The following PCDH7 variants were observed in gnomAD, a reference collection of about 807,000 sequenced individuals.
The protein encoded by PCDH7 is protocadherin 7, also known as protocadherin-7.
Under a neutral mutation model 58.9 loss-of-function variants are expected in PCDH7, and 17 were observed. The observed-to-expected ratio is 0.29, with a 90% CI of 0.20 to 0.43. The LOEUF (loss-of-function observed/expected upper bound fraction) is 0.43, where lower values mean the gene tolerates loss of function less well. Ranked by LOEUF, PCDH7 falls within the 20% of genes least tolerant of loss-of-function variation. PCDH7 has a pLI of 1.00. For synonymous variants in PCDH7, 664 were observed against 616.4 expected (o/e 1.08, Z -1.14); for missense variants, 1,274 against 1,441.0 (o/e 0.88, Z 1.88).
At chr4:30,853,231 G>A (rs528053027) in intron 1 of PCDH7, among the ~76,000 whole-genome samples, 1 of 152,186 alleles carries the variant, frequency 6.6e-6, no homozygotes, top group African/African-American at 2.4e-5. Context: ...TGACCTTGTG[G>A]GAAACTAACT....
intron 1 of PCDH7, among the ~76,000 whole-genome samples, chr4:30,906,727 A>G (rs1272132136): frequency 6.6e-6 from 1 of 152,204 alleles, no homozygotes; most frequent in Non-Finnish European, 1.5e-5. Context: ...GGAATTAAAA[A>G]TAAGTAGATT....
rs997621322 is a variant in PCDH7, at chr4:31,095,782, C to T, written c.*8-46691C>T. ...ATTCACTACTATGGTGATTAGGACA[C>T]TTTCTGTTAATTTATGGGCTTTCTC... is the stretch of plus-strand genomic sequence containing the variant. On this transcript the variant is annotated intron_variant, in intron 3 of 3. Coordinates refer to the PCDH7 transcript ENST00000509759. Among the ~76,000 whole-genome samples, 7 of 152,180 alleles carry T rather than the reference C, an allele frequency of 4.6e-5. No homozygotes were observed. In the East Asian group the frequency reaches 1.2e-3, roughly 25 times the overall value.
chr4:30,952,606 A>G (rs528008991), intron 3 of PCDH7, among the ~76,000 whole-genome samples: 1 of 152,226 alleles, frequency 6.6e-6, no homozygotes, highest in African/African-American at 2.4e-5. Context: ...TTAAATTGGG[A>G]GGGAAAAAAT....
chr4:30,804,094 A>C (rs1725872886), intron 1 of PCDH7, among the ~76,000 whole-genome samples: 1 of 152,200 alleles, frequency 6.6e-6, no homozygotes, highest in African/African-American at 2.4e-5. Context: ...TTTAAGTTTC[A>C]ACATGAATTT....
At chr4:30,873,842 T>C (rs1275715459) in intron 1 of PCDH7, among the ~76,000 whole-genome samples, 2 of 152,090 alleles carry the variant, frequency 1.3e-5, no homozygotes, top group African/African-American at 2.4e-5. Context: ...TATTTATTTT[T>C]ATTTATTTAT....
chr4:31,029,032 C>A (rs768666629), intron 3 of PCDH7, among the ~76,000 whole-genome samples: 3 of 152,130 alleles, frequency 2.0e-5, no homozygotes, highest in Admixed American at 6.5e-5. Flanking sequence ...ATTTCAGAAA[C>A]AATTACAAAA....
intron 1 of PCDH7, among the ~76,000 whole-genome samples, chr4:30,762,256 C>T (rs1310881314): frequency 1.3e-5 from 2 of 151,814 alleles, no homozygotes; most frequent in Non-Finnish European, 2.9e-5. Context: ...TCTTAAAATT[C>T]GCATTTTTTC....
At chr4:30,836,778 T>G (rs889083072) in intron 1 of PCDH7, among the ~76,000 whole-genome samples, 1 of 152,116 alleles carries the variant, frequency 6.6e-6, no homozygotes, top group Non-Finnish European at 1.5e-5. Flanking sequence ...GATTATAATA[T>G]CTGCAGATTT....
At chr4:30,972,356 G>C (rs1043445338) in intron 3 of PCDH7, among the ~76,000 whole-genome samples, 2 of 152,010 alleles carry the variant, frequency 1.3e-5, no homozygotes, top group Non-Finnish European at 2.9e-5. Context: ...TTGTGTGCAG[G>C]ATTTTTTTAT....
chr4:30,723,075 C>A lies in PCDH7; in HGVS notation c.1653C>A (p.Gly551=). The A allele has an allele frequency of 6.2e-7, 1 of 1,613,816 alleles. No homozygotes were observed. ...ACTTCCCTGAGAACAACATCCCGGGCGAGAGGGTGGCCACGGTGCTGGCGA... is the reference window on the plus strand; with the variant it reads ...ACTTCCCTGAGAACAACATCCCGGGAGAGAGGGTGGCCACGGTGCTGGCGA... Residue 551 remains glycine, a synonymous_variant, in exon 1 of 2, where the codon GGC becomes GGA. Transcript: ENST00000361762. This position sits in a 1 kb window ranked among gnomAD's most constrained non-coding sequence, Gnocchi z 4.6.
At chr4:31,095,128 T>C (rs911996143) in intron 3 of PCDH7, among the ~76,000 whole-genome samples, 1 of 151,438 alleles carries the variant, frequency 6.6e-6, no homozygotes, top group Non-Finnish European at 1.5e-5. Flanking sequence ...TTTTTTTTTT[T>C]ATGGCTAAAA....
intron 3 of PCDH7, among the ~76,000 whole-genome samples, chr4:31,016,453 G>A (rs1753609701): frequency 6.6e-6 from 1 of 151,104 alleles, no homozygotes; most frequent in African/African-American, 2.4e-5. Context: ...AGGAGAGGGG[G>A]AAAGGCCATC....
At chr4:31,080,159 C>T (rs924491759) in intron 3 of PCDH7, among the ~76,000 whole-genome samples, 3 of 152,114 alleles carry the variant, frequency 2.0e-5, no homozygotes, top group African/African-American at 4.8e-5. Context: ...TTAAATATAA[C>T]TAGATAAGTC....
chr4:30,953,294 G>A (rs4692108), intron 3 of PCDH7, among the ~76,000 whole-genome samples: 28,702 of 151,936 alleles, frequency 0.19, 3,413 homozygotes, highest in South Asian at 0.26. Flanking sequence ...TTAAATGAAA[G>A]TATTTCTAGA....
At chr4:30,757,141 T>C (rs1186375506) in intron 1 of PCDH7, among the ~76,000 whole-genome samples, 5 of 152,234 alleles carry the variant, frequency 3.3e-5, no homozygotes, top group African/African-American at 1.2e-4. Flanking sequence ...TATTTTCAAA[T>C]GACAGTTGGT....
At chr4:30,988,609 G>T (rs1751195200) in intron 3 of PCDH7, among the ~76,000 whole-genome samples, 2 of 151,996 alleles carry the variant, frequency 1.3e-5, no homozygotes, top group Admixed American at 1.3e-4. Context: ...CATCAAGGCC[G>T]AGTTAGTTTT....
chr4:30,871,942 T>C (rs939416051), intron 1 of PCDH7, among the ~76,000 whole-genome samples: 1 of 152,098 alleles, frequency 6.6e-6, no homozygotes, highest in African/African-American at 2.4e-5. Flanking sequence ...CTTTGCATTT[T>C]TGTCCTTACA....
chr4:30,921,860 A>G (rs1743221502), intron 2 of PCDH7, among the ~76,000 whole-genome samples: 6 of 151,196 alleles, frequency 4.0e-5, no homozygotes, highest in Admixed American at 4.0e-4. Context: ...TACTGTAATT[A>G]CATACATACT....
intron 3 of PCDH7, among the ~76,000 whole-genome samples, chr4:31,023,901 C>T (rs1053137945): frequency 6.6e-6 from 1 of 152,098 alleles, no homozygotes; most frequent in African/African-American, 2.4e-5. Flanking sequence ...AAAGAGAAAG[C>T]GTTCCAAACC....
Sources: gnomAD v4.1 joint callset for allele counts (sites outside exome capture counted in the v4.1 genomes callset) on GRCh38, gnomAD v4.1.1 for gene constraint, Gnocchi (gnomAD v3.1) non-coding constraint, MANE v1.5 for transcripts, NCBI Gene and HGNC (gene_info 2026-07-23, HGNC 2026-07-21) for gene names.